ROBO2: variants seen among roughly 807,000 people sequenced by gnomAD.
The protein encoded by ROBO2 is roundabout guidance receptor 2.
In ROBO2, 53 loss-of-function variants were observed where a neutral mutation model predicts 160.8. The ratio of observed to expected loss-of-function variants is 0.33; its 90% CI spans 0.26 to 0.41. The LOEUF is 0.41. Ranked by LOEUF, ROBO2 falls within the 10% of genes least tolerant of loss-of-function variation. The probability of loss-of-function intolerance (pLI) is 1.00; values close to 1 mark genes in which losing one functional copy is unlikely to be tolerated. For synonymous variants in ROBO2, 664 were observed against 611.7 expected (o/e 1.09, Z -1.26); for missense variants, 1,577 against 1,722.4 (o/e 0.92, Z 1.49).
intron 2 of ROBO2, among the ~76,000 whole-genome samples, chr3:76,251,574 C>A (rs1479811538): frequency 6.6e-6 from 1 of 152,074 alleles, no homozygotes; most frequent in African/African-American, 2.4e-5. Context: ...CATGTAAATA[C>A]TTCCAAAACA....
At chr3:77,399,537 C>T (rs989529158) in intron 2 of ROBO2, among the ~76,000 whole-genome samples, 4 of 152,148 alleles carry the variant, frequency 2.6e-5, no homozygotes, top group Non-Finnish European at 5.9e-5. Flanking sequence ...AAGCCTCAAT[C>T]TAAGCAAATT....
chr3:76,313,713 C>G (rs572384033), intron 2 of ROBO2, among the ~76,000 whole-genome samples: 1 of 152,250 alleles, frequency 6.6e-6, no homozygotes, highest in African/African-American at 2.4e-5. Context: ...GGAAAAGATA[C>G]CAATAGCAAA....
intron 2 of ROBO2, among the ~76,000 whole-genome samples, chr3:76,416,056 A>T (rs1340060037): frequency 6.6e-6 from 1 of 152,178 alleles, no homozygotes; most frequent in African/African-American, 2.4e-5. Context: ...AAACAAGATG[A>T]TAAATGGCCT....
intron 2 of ROBO2, among the ~76,000 whole-genome samples, chr3:76,020,363 GATGACCGTT>G (rs1559839607): frequency 6.6e-6 from 1 of 151,440 alleles, no homozygotes; most frequent in African/African-American, 2.4e-5. Flanking sequence ...CATTTATTAC[GATGACCGTT>G]ATATTTGGAT....
intron 23 of ROBO2, chr3:77,632,250 A>G (rs756528039): frequency 9.1e-6 from 4 of 437,600 alleles, no homozygotes; most frequent in African/African-American, 5.9e-5. Flanking sequence ...AGTGCAGCAC[A>G]TGCTTTGCTT....
At chr3:76,535,400 C>T (rs1451329918) in intron 2 of ROBO2, among the ~76,000 whole-genome samples, 4 of 151,822 alleles carry the variant, frequency 2.6e-5, no homozygotes, top group South Asian at 4.2e-4. Context: ...GTGATACTGG[C>T]GTTGAGTGGG....
chr3:76,252,747 A>G (rs1313092964), intron 2 of ROBO2, among the ~76,000 whole-genome samples: 2 of 102,516 alleles, frequency 2.0e-5, no homozygotes, highest in Non-Finnish European at 4.1e-5. Flanking sequence ...TATAAAACGC[A>G]TGTATATGTA....
chr3:76,956,168 C>T (rs1445887258), intron 2 of ROBO2, among the ~76,000 whole-genome samples: 1 of 152,160 alleles, frequency 6.6e-6, no homozygotes, highest in Admixed American at 6.5e-5. Context: ...TATTAATACA[C>T]TACTTGAGAT....
At chr3:76,759,760 T>C (rs1033656293) in intron 2 of ROBO2, among the ~76,000 whole-genome samples, 13 of 151,928 alleles carry the variant, frequency 8.6e-5, no homozygotes, top group African/African-American at 3.1e-4. Context: ...TAGTTGATCT[T>C]TGTGGTAACT....
chr3:77,432,632 C>G (rs115869515), intron 2 of ROBO2, among the ~76,000 whole-genome samples: 3 of 152,120 alleles, frequency 2.0e-5, no homozygotes, highest in Non-Finnish European at 2.9e-5. Flanking sequence ...TTTGGGGCCA[C>G]AATGACAAGA....
intron 2 of ROBO2, among the ~76,000 whole-genome samples, chr3:76,023,032 C>CT (rs557708131): frequency 2.4e-4 from 37 of 151,764 alleles, no homozygotes; most frequent in Non-Finnish European, 4.9e-4. Context: ...TCACCTTGCA[C>CT]TTTTTTTTAT....
intron 2 of ROBO2, among the ~76,000 whole-genome samples, chr3:77,249,582 A>G (rs1410670671): frequency 6.6e-6 from 1 of 151,840 alleles, no homozygotes; most frequent in African/African-American, 2.4e-5. Context: ...CCCATCCATC[A>G]CTTTAAAATG....
chr3:76,160,181 G>A (rs993590094), intron 2 of ROBO2, among the ~76,000 whole-genome samples: 1 of 151,966 alleles, frequency 6.6e-6, no homozygotes, highest in African/African-American at 2.4e-5. Flanking sequence ...CTCTTGATCA[G>A]TTCTCTTCAC....
intron 2 of ROBO2, among the ~76,000 whole-genome samples, chr3:76,669,057 T>C (rs2092163822): frequency 6.6e-6 from 1 of 152,150 alleles, no homozygotes. Flanking sequence ...TTGTACTCTT[T>C]TCAGTTTAGG....
intron 2 of ROBO2, among the ~76,000 whole-genome samples, chr3:76,475,016 G>A (rs1382317961): frequency 6.6e-6 from 1 of 152,014 alleles, no homozygotes; most frequent in South Asian, 2.1e-4. Flanking sequence ...ACAAGGAAAA[G>A]GCTGAGGAAT....
At chr3:77,131,292 C>T (rs986365792) in intron 2 of ROBO2, among the ~76,000 whole-genome samples, 2 of 152,104 alleles carry the variant, frequency 1.3e-5, no homozygotes, top group African/African-American at 2.4e-5. Flanking sequence ...GAGCAGGCAA[C>T]CAAAAAGGCT....
chr3:76,352,307 GAGTGAGGCAAGTC>G (rs1450472881), intron 2 of ROBO2, among the ~76,000 whole-genome samples: 1 of 151,918 alleles, frequency 6.6e-6, no homozygotes, highest in Non-Finnish European at 1.5e-5. Context: ...TGACTAGTTG[GAGTGAGGCAAGTC>G]AGGCACATCC....
intron 2 of ROBO2, among the ~76,000 whole-genome samples, chr3:77,382,628 T>A (rs1373732426): frequency 1.3e-5 from 2 of 152,166 alleles, no homozygotes; most frequent in Non-Finnish European, 2.9e-5. Context: ...TGCCTTTGCA[T>A]CCCCATAGCT....
intron 2 of ROBO2, among the ~76,000 whole-genome samples, chr3:77,256,640 T>C (rs1258737972): frequency 6.6e-6 from 1 of 152,218 alleles, no homozygotes; most frequent in Non-Finnish European, 1.5e-5. Flanking sequence ...AAAACTATTA[T>C]ACAGTGCTTT....
Sources: allele counts gnomAD v4.1 joint callset (sites outside exome capture counted in the v4.1 genomes callset), GRCh38; gene constraint gnomAD v4.1.1; transcripts MANE v1.5; gene names NCBI Gene and HGNC (gene_info 2026-07-23, HGNC 2026-07-21).